Variants in DIP2A observed in about 807,000 individuals in gnomAD.
The protein encoded by DIP2A is DIP2 acetate--CoA ligase A.
A neutral mutation model predicts 177.4 loss-of-function variants in DIP2A; 85 were observed. The observed-to-expected ratio is 0.48, with a 90% CI of 0.40 to 0.57. The LOEUF is 0.57. Among genes scored for constraint, DIP2A ranks in the 20% least tolerant of loss-of-function variants. The pLI is 0.00. For missense variants in DIP2A, 1,791 were observed against 2,100.2 expected, an observed-to-expected ratio of 0.85 and a Z score of 2.88; for synonymous variants, 886 against 881.8, an observed-to-expected ratio of 1.00 and a Z score of -0.08.
At chr21:46,468,314 G>T (rs1420860534) in intron 1 of DIP2A, among the ~76,000 whole-genome samples, 1 of 145,570 alleles carries the variant, frequency 6.9e-6, no homozygotes, top group Non-Finnish European at 1.5e-5. Flanking sequence ...TATAATCCCA[G>T]CTACTCTGAT....
In DIP2A at chr21:46,556,178, C is replaced by T. The variant is rs2060461325; in HGVS notation, c.3498+87C>T. The stretch of plus-strand genomic sequence containing the variant: ...GATGTCAGATGCAGATTTAAACTGA[C>T]AGGTCCTTCTTATGCAAAGCACAAA... On this transcript the variant is annotated intron_variant, in intron 29 of 37. Transcript: ENST00000417564. The surrounding 1 kb of genome is among the most constrained non-coding windows in gnomAD (Gnocchi z 4.5). The T allele has an allele frequency of 1.4e-6, 2 of 1,417,826 alleles. No individual in the cohort carries two copies. The highest frequency in any genetic ancestry group is 9.9e-7 in the Non-Finnish European group (1 of 1,008,632). 87.8% of individuals were successfully genotyped at this position (1,417,826 alleles called of 1,614,324 possible). A position where few individuals can be genotyped will look rare whatever the true frequency, so the allele number is the denominator to read the frequency against.
At chr21:46,578,309 T>C in the DIP2A span, among the ~76,000 whole-genome samples, 3 of 147,794 alleles carry the variant, frequency 2.0e-5, no homozygotes, top group Admixed American at 1.3e-4. Flanking sequence ...AGACTCCGTC[T>C]CAAAAAACAA....
At chr21:46,550,806 G>T in intron 23 of DIP2A, 62 bp downstream of exon 23, 2 of 1,550,182 alleles carry the variant, frequency 1.3e-6, no homozygotes, top group Non-Finnish European at 8.8e-7. Context: ...GGTGCTTGTG[G>T]TTAGGGTGCG....
the DIP2A span, among the ~76,000 whole-genome samples, chr21:46,583,430 C>G: frequency 9.3e-4 from 141 of 152,290 alleles, 2 homozygotes; most frequent in African/African-American, 3.0e-3. Flanking sequence ...ATAGAACATT[C>G]TCTAGAACAC....
At chr21:46,482,902 C>T (rs1321759791) in intron 1 of DIP2A, among the ~76,000 whole-genome samples, 2 of 152,218 alleles carry the variant, frequency 1.3e-5, no homozygotes, top group Admixed American at 1.3e-4. Flanking sequence ...TTGAAAATTA[C>T]TGCCTTCTAA....
At chr21:46,532,261 C>T in intron 10 of DIP2A, 24 bp downstream of exon 10, 1 of 1,594,342 alleles carries the variant, frequency 6.3e-7, no homozygotes, top group Non-Finnish European at 8.6e-7. Flanking sequence ...GGCTCAGGTC[C>T]CGTGTGGTTC....
intron 8 of DIP2A, among the ~76,000 whole-genome samples, chr21:46,528,568 T>TTTTTTTTTTTTTTTTTTTTTTTTTTTTA (rs1569043246): frequency 1.1e-5 from 1 of 90,576 alleles, no homozygotes; most frequent in Non-Finnish European, 2.3e-5. Flanking sequence ...TTTTTTTTTT[T>TTTTTTTTTTTTTTTTTTTTTTTTTTTTA]AGATAATGTC....
At chr21:46,465,305 C>A (rs756357265) in intron 1 of DIP2A, among the ~76,000 whole-genome samples, 1 of 152,096 alleles carries the variant, frequency 6.6e-6, no homozygotes, top group Non-Finnish European at 1.5e-5. Flanking sequence ...TGGTGGCTCA[C>A]TCCTGTAATC....
chr21:46,506,723 TTTTTCTTTC>T lies in DIP2A; in HGVS notation c.784+2238_784+2246del, dbSNP rs1272285035. Among the ~76,000 whole-genome samples the T allele has an allele frequency of 5.1e-3, 306 of 59,848 alleles. 8 individuals carry two copies. The highest frequency in any genetic ancestry group is 0.015 in the African/African-American group (162 of 11,098). The allele number at this position is 59,848 out of a possible 152,430, so 39.3% of individuals were successfully genotyped here. On this transcript the variant is annotated intron_variant, in intron 6 of 37. Coordinates refer to ENST00000417564, the MANE Select transcript of DIP2A (RefSeq NM_015151.4). The stretch of plus-strand genomic sequence containing the variant: ...CTATTTTTTTTTTTAATTGTGCTTG[TTTTTCTTTC>T]TTTCTTTCTTTCTTTCTTTCTTTCT...
chr21:46,533,935 C>T, intron 11 of DIP2A, 69 bp from the exon 12 acceptor site: 1 of 1,340,532 alleles, frequency 7.5e-7, no homozygotes, highest in Non-Finnish European at 1.0e-6. Context: ...GTTGGAGGCG[C>T]AGGCTTCGAG....
Position 46,556,444 on chromosome 21 carries a change from G to C in DIP2A, c.3498+353G>C, listed in dbSNP as rs1351428330. On this transcript the variant is annotated intron_variant, in intron 29 of 37. Transcript: ENST00000417564. This position sits in a 1 kb window ranked among gnomAD's most constrained non-coding sequence, Gnocchi z 4.5. ...CACGCCTGTAATCCCAGCACTTCGG[G>C]AGGCCGAGGCGGGTGGATCACAAGA... 8.9e-6 allele frequency: 11 copies of C among 1,234,024 alleles called. No homozygotes were observed. The highest frequency in any genetic ancestry group is 1.2e-5 in the Non-Finnish European group (11 of 924,960). The allele number at this position is 1,234,024 out of a possible 1,614,324, so 76.4% of individuals were successfully genotyped here.
At chr21:46,552,301 A>G (rs1387937707) in intron 25 of DIP2A, among the ~76,000 whole-genome samples, 3 of 152,234 alleles carry the variant, frequency 2.0e-5, no homozygotes, top group African/African-American at 7.2e-5. Flanking sequence ...TAGAATTTCT[A>G]CATTTGGTTA....
intron 22 of DIP2A, 71 bp downstream of exon 22, chr21:46,549,956 C>G (rs1312242832): frequency 3.1e-6 from 5 of 1,594,418 alleles, no homozygotes; most frequent in South Asian, 1.1e-5. Context: ...CTCCAAGTGC[C>G]AAGTGGTTGG....
chr21:46,547,215 G>T, intron 21 of DIP2A, 173 bp downstream of exon 21: 2 of 1,405,734 alleles, frequency 1.4e-6, no homozygotes. Flanking sequence ...TGATACCAGA[G>T]TTAATATCCT....
In DIP2A at chr21:46,547,656, C is replaced by CTTTTT. The variant is rs10672432; in HGVS notation, c.2522+636_2522+640dup. Among the ~76,000 whole-genome samples the CTTTTT allele has an allele frequency of 2.6e-5, 2 of 76,390 alleles. 1 individual carries two copies. The highest frequency in any genetic ancestry group is 4.6e-5 in the Non-Finnish European group (2 of 43,680). 50.1% of individuals were successfully genotyped at this position (76,390 alleles called of 152,430 possible). On this transcript the variant is annotated intron_variant, in intron 21 of 37. Transcript: ENST00000417564. ...AATTTTATTTTTCTCAAGGGGGTGC[C>CTTTTT]TTTTTTTTTTTTTTTTTTTTTTTTT... is the stretch of plus-strand genomic sequence containing the variant.
chr21:46,499,449 T>G (rs1196467596), intron 5 of DIP2A, among the ~76,000 whole-genome samples: 1 of 152,128 alleles, frequency 6.6e-6, no homozygotes. Context: ...GGCTATGTGT[T>G]CACAGCTGCA....
At chr21:46,523,599 A>C (rs1406255839) in intron 8 of DIP2A, among the ~76,000 whole-genome samples, 1 of 113,602 alleles carries the variant, frequency 8.8e-6, no homozygotes, top group Admixed American at 8.1e-5. Flanking sequence ...AACTTCAGCC[A>C]GGCCTTACGG....
chr21:46,537,427 C>T lies in DIP2A; in HGVS notation c.1708-19C>T, dbSNP rs749965571. On this transcript the variant is annotated intron_variant, in intron 14 of 37. Coordinates refer to ENST00000417564, the MANE Select transcript of DIP2A (RefSeq NM_015151.4). The surrounding 1 kb of genome is among the most constrained non-coding windows in gnomAD (Gnocchi z 4.1). ...GTGGCTCGGGCCCACTCGCCCTAAG[C>T]ATGTGTGCTCCCCCACAGAGCGTCA... is the stretch of plus-strand genomic sequence containing the variant. The T allele has an allele frequency of 2.7e-5, 44 of 1,613,444 alleles. No individual in the cohort carries two copies. The highest frequency in any genetic ancestry group is 6.7e-5 in the African/African-American group (5 of 74,906).
chr21:46,532,636 G>A (rs2059401465), intron 10 of DIP2A, among the ~76,000 whole-genome samples: 1 of 152,050 alleles, frequency 6.6e-6, no homozygotes, highest in East Asian at 1.9e-4. Context: ...ATTTCTTAGG[G>A]ATAAATATAT....
Sources: allele counts gnomAD v4.1 joint callset (sites outside exome capture counted in the v4.1 genomes callset), GRCh38; gene constraint gnomAD v4.1.1; non-coding constraint Gnocchi (gnomAD v3.1); transcripts MANE v1.5; gene names NCBI Gene and HGNC (gene_info 2026-07-23, HGNC 2026-07-21).